RNF220: variants seen among roughly 807,000 people sequenced by gnomAD.
RNF220 encodes the protein ring finger protein 220.
RNF220 carries 7 observed loss-of-function variants against 67.1 expected under a neutral mutation model. The ratio of observed to expected loss-of-function variants is 0.10; its 90% CI spans 0.06 to 0.20. The LOEUF (loss-of-function observed/expected upper bound fraction) is 0.20, where lower values mean the gene tolerates loss of function less well. RNF220 is among the 10% of genes least tolerant of loss of function. The pLI is 1.00. For synonymous variants in RNF220, 270 were observed against 283.2 expected (o/e 0.95, Z 0.47); for missense variants, 565 against 740.3 (o/e 0.76, Z 2.75).
chr1:44,443,782 C>T (rs1409850613), intron 2 of RNF220, among the ~76,000 whole-genome samples: 1 of 152,008 alleles, frequency 6.6e-6, no homozygotes. Context: ...CTCATGAAAC[C>T]ACATCCAGCT....
chr1:44,502,098 C>CACAT (rs1657961460), intron 2 of RNF220, among the ~76,000 whole-genome samples: 1 of 140,394 alleles, frequency 7.1e-6, no homozygotes, highest in East Asian at 2.1e-4. Context: ...CACACACACA[C>CACAT]ACTTTGTAAG....
In RNF220 at chr1:44,419,983, G is replaced by A. The variant is rs188545954; in HGVS notation, c.625+7261G>A. The stretch of plus-strand genomic sequence containing the variant: ...CCCCTATCGTGGAGTCCACACATAC[G>A]GATCTGCTTTTGGTGTGTATTTTAG... On this transcript the variant is annotated intron_variant, in intron 2 of 14. Transcript: ENST00000361799. The A allele has an allele frequency of 1.9e-4, 29 of 152,222 alleles. No individual in the cohort carries two copies. The East Asian group carries it at 4.4e-3, about 23-fold the overall frequency. 9.4% of individuals were successfully genotyped at this position (152,222 alleles called of 1,614,324 possible).
intron 2 of RNF220, among the ~76,000 whole-genome samples, chr1:44,597,178 C>G (rs1263408639): frequency 6.6e-6 from 1 of 152,120 alleles, no homozygotes; most frequent in East Asian, 1.9e-4. Flanking sequence ...ATCCTAATCA[C>G]CCTGTTAGGC....
Position 44,602,759 on chromosome 1 carries a change from C to T in RNF220, c.626-11406C>T, listed in dbSNP as rs145366005. Among the ~76,000 whole-genome samples the T allele has an allele frequency of 2.8e-3, 428 of 152,266 alleles. 4 individuals are homozygous for T. The highest frequency in any genetic ancestry group is 9.8e-3 in the African/African-American group (408 of 41,550). ...TCCAGACCCTTCCCCTGCCCTGCCC[C>T]ACCCCATCCGGCCTGAGTGAGCAGG... On this transcript the variant is annotated intron_variant, in intron 2 of 14. Transcript: ENST00000361799.
At chr1:44,450,911 T>TGC (rs1178812924) in intron 2 of RNF220, among the ~76,000 whole-genome samples, 6 of 152,080 alleles carry the variant, frequency 3.9e-5, no homozygotes, top group Admixed American at 2.6e-4. Context: ...TGGCCCCACG[T>TGC]GGTGGCTCAC....
rs114989882 is a variant in RNF220, at chr1:44,431,589, A to G, written c.625+18867A>G. 6.8e-3 allele frequency among the ~76,000 whole-genome samples: 1,031 copies of G among 152,156 alleles called. 21 individuals carry two copies. Among genetic ancestry groups the G allele is most frequent in the African/African-American group, 0.023 (973 of 41,496 alleles). ...GGGTAAACAGCAGATGTGAGTGCTA[A>G]ATGGAATTCCATTTAACCAGCTCTG... is the stretch of plus-strand genomic sequence containing the variant. On this transcript the variant is annotated intron_variant, in intron 2 of 14. Coordinates refer to ENST00000361799, the MANE Select transcript of RNF220 (RefSeq NM_018150.4).
chr1:44,509,908 G>GAAAA (rs1658829694), intron 2 of RNF220, among the ~76,000 whole-genome samples: 4 of 117,736 alleles, frequency 3.4e-5, no homozygotes, highest in South Asian at 5.5e-4. Flanking sequence ...AAAAAAAAAG[G>GAAAA]AAGGAAGGAA....
chr1:44,529,911 G>C (rs1660699876), intron 2 of RNF220, among the ~76,000 whole-genome samples: 1 of 151,876 alleles, frequency 6.6e-6, no homozygotes, highest in African/African-American at 2.4e-5. Flanking sequence ...AAAATTAGCA[G>C]GGCATGGTGG....
chr1:44,482,749 G>A (rs1457608218), intron 2 of RNF220, among the ~76,000 whole-genome samples: 1 of 151,904 alleles, frequency 6.6e-6, no homozygotes, highest in African/African-American at 2.4e-5. Context: ...AGCCTCCTGT[G>A]TAGCTGGGAT....
chr1:44,436,346 G>C (rs1359547610), intron 2 of RNF220, among the ~76,000 whole-genome samples: 1 of 152,148 alleles, frequency 6.6e-6, no homozygotes, highest in Non-Finnish European at 1.5e-5. Context: ...CAGTTTTAGG[G>C]GGGGTAATAT....
intron 2 of RNF220, among the ~76,000 whole-genome samples, chr1:44,604,985 C>T (rs1471678049): frequency 6.6e-6 from 1 of 152,226 alleles, no homozygotes; most frequent in Non-Finnish European, 1.5e-5. Context: ...ACATGTCTTA[C>T]AGAAAGAAGA....
chr1:44,616,580 C>T lies in RNF220; in HGVS notation c.758+2283C>T, dbSNP rs555914905. 5.3e-5 allele frequency among the ~76,000 whole-genome samples: 8 copies of T among 152,202 alleles called. No individual in the cohort carries two copies. The East Asian group carries it at 7.7e-4, about 15-fold the overall frequency. On this transcript the variant is annotated intron_variant, in intron 3 of 14. Transcript: ENST00000361799. Reference sequence around the variant, plus strand: ...TGACTCCAGTACCCATGCTCTTAATCACTCCCCATCCCTACCCCCCGCCCA... The same window carrying T: ...TGACTCCAGTACCCATGCTCTTAATTACTCCCCATCCCTACCCCCCGCCCA...
intron 1 of RNF220, among the ~76,000 whole-genome samples, chr1:44,408,115 T>C (rs1047227313): frequency 6.6e-6 from 1 of 152,046 alleles, no homozygotes; most frequent in African/African-American, 2.4e-5. Flanking sequence ...GGCTCCGCGT[T>C]GGGCCCAAGT....
In RNF220 at chr1:44,433,894, A is replaced by C. The variant is rs535530670; in HGVS notation, c.625+21172A>C. Reference sequence around the variant, plus strand: ...GAAGTATTGCTTGAGCCTGGGAGGCAGAGATTGCAGTGAGCCGAGGTTGTG... The same window carrying C: ...GAAGTATTGCTTGAGCCTGGGAGGCCGAGATTGCAGTGAGCCGAGGTTGTG... On this transcript the variant is annotated intron_variant, in intron 2 of 14. Coordinates refer to ENST00000361799, the MANE Select transcript of RNF220 (RefSeq NM_018150.4). Among the ~76,000 whole-genome samples, 7 of 152,286 alleles carry C rather than the reference A, an allele frequency of 4.6e-5. No homozygotes were observed. The East Asian group carries it at 1.3e-3, about 29-fold the overall frequency.
chr1:44,454,530 G>A (rs1200706624), intron 2 of RNF220, among the ~76,000 whole-genome samples: 1 of 151,550 alleles, frequency 6.6e-6, no homozygotes, highest in East Asian at 1.9e-4. Flanking sequence ...GATTTGCCTT[G>A]GGTTTAACTA....
chr1:44,612,985 G>C (rs270732), intron 2 of RNF220, among the ~76,000 whole-genome samples: 8,759 of 150,876 alleles, frequency 0.058, 388 homozygotes, highest in South Asian at 0.12. Context: ...GATATGCAGG[G>C]ATGTTTCTAG....
chr1:44,534,166 G>A (rs1486447938), intron 2 of RNF220, among the ~76,000 whole-genome samples: 1 of 152,050 alleles, frequency 6.6e-6, no homozygotes, highest in African/African-American at 2.4e-5. Flanking sequence ...TGTGCATGGA[G>A]GTTGGGTTTC....
intron 2 of RNF220, among the ~76,000 whole-genome samples, chr1:44,461,627 T>C (rs1436550266): frequency 6.6e-6 from 1 of 152,220 alleles, no homozygotes; most frequent in Non-Finnish European, 1.5e-5. Context: ...TATAAATGGC[T>C]CTCAGGAGTA....
intron 2 of RNF220, among the ~76,000 whole-genome samples, chr1:44,588,352 C>T (rs756134248): frequency 8.5e-5 from 13 of 152,218 alleles, no homozygotes; most frequent in Non-Finnish European, 1.3e-4. Context: ...TCCTGCATCC[C>T]GGGCACCAGC....
Sources: gnomAD v4.1 joint callset for allele counts (sites outside exome capture counted in the v4.1 genomes callset) on GRCh38, gnomAD v4.1.1 for gene constraint, MANE v1.5 for transcripts, NCBI Gene and HGNC (gene_info 2026-07-23, HGNC 2026-07-21) for gene names.